The following DSEL variants were observed in gnomAD, a reference collection of about 807,000 sequenced individuals.
DSEL encodes dermatan sulfate epimerase like.
Under a neutral mutation model 96.6 loss-of-function variants are expected in DSEL, and 61 were observed. The observed-to-expected ratio is 0.63, with a 90% confidence interval of 0.51 to 0.78. The LOEUF (loss-of-function observed/expected upper bound fraction) is 0.78. DSEL is among the 30% of genes least tolerant of loss of function. The probability of loss-of-function intolerance (pLI) is 0.00; values close to 1 mark genes in which losing one functional copy is unlikely to be tolerated. For missense variants in DSEL, 1,320 were observed against 1,430.8 expected, an observed-to-expected ratio of 0.92 and a Z score of 1.25; for synonymous variants, 514 against 502.0, an observed-to-expected ratio of 1.02 and a Z score of -0.32.
In DSEL at chr18:67,507,846, A is replaced by T. The variant is rs1598977081; in HGVS notation, c.*3124T>A. 6.6e-6 allele frequency: 1 copy of T among 152,216 alleles called. No homozygotes were observed. Among genetic ancestry groups the T allele is most frequent in the South Asian group, 2.1e-4 (1 of 4,832 alleles). 9.4% of individuals were successfully genotyped at this position (152,216 alleles called of 1,614,324 possible). A position where few individuals can be genotyped will look rare whatever the true frequency, so the allele number is the denominator to read the frequency against. On this transcript the variant is annotated 3_prime_UTR_variant, in exon 2 of 2. Coordinates refer to ENST00000310045, the MANE Select transcript of DSEL (RefSeq NM_032160.3). ...AATTTTAAATTAAATTCTACAAACT[A>T]AATCTATGCAGATTTAGCTTCTTTC... is the stretch of plus-strand genomic sequence containing the variant.
rs2089445818 is a variant in DSEL at position 67,511,991 on chromosome 18, A to G, written c.2618T>C (p.Phe873Ser). 2 of 1,614,114 alleles carry G rather than the reference A, an allele frequency of 1.2e-6. No homozygotes were observed. Among genetic ancestry groups the G allele is most frequent in the African/African-American group, 2.7e-5 (2 of 75,038 alleles). Reference sequence around the variant, plus strand: ...GATGTAGAGAAAATCACTACTGTTGAAAAAAAGTTGTTTGAGAATTTCAGC... The same window carrying G: ...GATGTAGAGAAAATCACTACTGTTGGAAAAAAGTTGTTTGAGAATTTCAGC... ...SGAEILKQLF[F>S]NSSDFLYIRV... The change falls in exon 2 of 2, where the codon TTC (phenylalanine) becomes TCC (serine). Residue 873 changes from phenylalanine (F) to serine (S), a missense_variant. This residue lies in a region of DSEL where 986 missense variants were observed against 1,066.4 expected (regional missense o/e 0.92). Coordinates refer to ENST00000310045, the MANE Select transcript of DSEL (RefSeq NM_032160.3).
In DSEL at chr18:67,508,238, T is replaced by G. The variant is rs1239175232; in HGVS notation, c.*2732A>C. 2 of 152,122 alleles carry G rather than the reference T, an allele frequency of 1.3e-5. No homozygotes were observed. Among genetic ancestry groups the G allele is most frequent in the African/African-American group, 4.8e-5 (2 of 41,416 alleles). The allele number at this position is 152,122 out of a possible 1,614,324, so 9.4% of individuals were successfully genotyped here. On this transcript the variant is annotated 3_prime_UTR_variant, in exon 2 of 2. Coordinates refer to ENST00000310045, the MANE Select transcript of DSEL (RefSeq NM_032160.3). The stretch of plus-strand genomic sequence containing the variant: ...AATAAGAGTAGAAGCTATTTAAAAT[T>G]TTCCTAGATCACCCTAAGGGTGCAG...
At position 67,512,414 on chromosome 18, in the gene DSEL, C is replaced by G; in HGVS notation, c.2195G>C (p.Gly732Ala). Reference protein sequence around the residue: ...HNLKTRFNYLGFGGFASVADQ... With the variant: ...HNLKTRFNYLAFGGFASVADQ... ...AGCCACACTGGCAAAGCCACCGAAT[C>G]CCAGATAATTGAATCTTGTCTTCAG... Residue 732 changes from glycine to alanine, a missense_variant, in exon 2 of 2, where the codon GGA (glycine) becomes GCA (alanine). Coordinates refer to ENST00000310045, the MANE Select transcript of DSEL (RefSeq NM_032160.3). 1 of 1,614,148 alleles carries G rather than the reference C, an allele frequency of 6.2e-7. No individual in the cohort carries two copies. Among genetic ancestry groups the G allele is most frequent in the Non-Finnish European group, 8.5e-7 (1 of 1,180,032 alleles).
In DSEL at chr18:67,510,196, G is replaced by C. The variant is rs920442950; in HGVS notation, c.*774C>G. On this transcript the variant is annotated 3_prime_UTR_variant, in exon 2 of 2. Coordinates refer to ENST00000310045, the MANE Select transcript of DSEL (RefSeq NM_032160.3). The stretch of plus-strand genomic sequence containing the variant: ...GATAGGATGGGAGTGATGTGATGGC[G>C]AACAGCTGTAGCTCCAGGGAGGATA... 2 of 152,272 alleles carry C rather than the reference G, an allele frequency of 1.3e-5. No homozygotes were observed. The highest frequency in any genetic ancestry group is 4.8e-5 in the African/African-American group (2 of 41,546). 9.4% of individuals were successfully genotyped at this position (152,272 alleles called of 1,614,324 possible). A position where few individuals can be genotyped will look rare whatever the true frequency, so the allele number is the denominator to read the frequency against.
chr18:67,511,981 A>C lies in DSEL; in HGVS notation c.2628T>G (p.Ser876Arg), dbSNP rs1222224625. Residue 876 changes from serine to arginine, a missense_variant, in exon 2 of 2, where the codon AGT (serine) becomes AGG (arginine). By Grantham distance (110) the Ser-to-Arg change is moderately radical. Coordinates refer to ENST00000310045, the MANE Select transcript of DSEL (RefSeq NM_032160.3). ...EILKQLFFNS[S>R]DFLYIRVPTA... ...TAGGAACCCTGATGTAGAGAAAATC[A>C]CTACTGTTGAAAAAAAGTTGTTTGA... The C allele has an allele frequency of 3.1e-6, 5 of 1,614,124 alleles. No homozygotes were observed. The highest frequency in any genetic ancestry group is 4.2e-6 in the Non-Finnish European group (5 of 1,180,014).
At position 67,511,444 on chromosome 18, in the gene DSEL, T is replaced by C. The variant is rs1220560090; in HGVS notation, c.3165A>G (p.Pro1055=). The C allele has an allele frequency of 1.2e-6, 2 of 1,607,082 alleles. No individual in the cohort carries two copies. The highest frequency in any genetic ancestry group is 2.7e-5 in the African/African-American group (2 of 74,938). Residue 1055 remains proline (P), a synonymous_variant, in exon 2 of 2, where the codon CCA becomes CCG. Coordinates refer to ENST00000310045, the MANE Select transcript of DSEL (RefSeq NM_032160.3). ...TTTTAAACAATTTTGCTAAATGCTC[T>C]GGTACATTCTTCAAAGAATAAAGAC... The part of the protein sequence containing the change: ...KPSLYSLKNV[P]EHLAKLFKIE...
chr18:67,514,320 T>A lies in DSEL; in HGVS notation c.289A>T (p.Met97Leu), dbSNP rs1329724983. Residue 97 changes from methionine to leucine, a missense_variant, in exon 2 of 2, where the codon ATG (methionine) becomes TTG (leucine). Coordinates refer to ENST00000310045, the MANE Select transcript of DSEL (RefSeq NM_032160.3). The part of the protein sequence containing the change: ...FRAIRSAVTV[M>L]LSNPTYYLPP... The stretch of plus-strand genomic sequence containing the variant: ...AGGTAGTATGTTGGGTTGGACAGCA[T>A]AACTGTCACTGCACTTCTGATAGCT... 2.5e-6 allele frequency: 4 copies of A among 1,614,234 alleles called. No individual in the cohort carries two copies. In the East Asian group the frequency reaches 8.9e-5, roughly 36 times the overall value.
chr18:67,509,113 T>C lies in DSEL; in HGVS notation c.*1857A>G, dbSNP rs1261690039. On this transcript the variant is annotated 3_prime_UTR_variant, in exon 2 of 2. Transcript: ENST00000310045. ...AGTTTCTGCTTTCTTGCTTGCTACC[T>C]GCATGCAATTGTAATTCCTACCTTG... 1 of 152,246 alleles carries C rather than the reference T, an allele frequency of 6.6e-6. No homozygotes were observed. Among genetic ancestry groups the C allele is most frequent in the Non-Finnish European group, 1.5e-5 (1 of 68,058 alleles). The allele number at this position is 152,246 out of a possible 1,614,324, so 9.4% of individuals were successfully genotyped here.
In DSEL at chr18:67,514,116, C is replaced by T. The variant is rs2089461307; in HGVS notation, c.493G>A (p.Gly165Arg). 2 of 1,614,092 alleles carry T rather than the reference C, an allele frequency of 1.2e-6. No homozygotes were observed. Among genetic ancestry groups the T allele is most frequent in the Admixed American group, 1.7e-5 (1 of 60,008 alleles). Residue 165 changes from glycine (G) to arginine (R), a missense_variant, in exon 2 of 2, where the codon GGA becomes AGA. By Grantham distance (125) the Gly-to-Arg change is moderately radical. This residue lies in a region of DSEL where 323 missense variants were observed against 333.1 expected (regional missense o/e 0.97). Transcript: ENST00000310045. ...GAATGGCCAATTGGAACCTCATCTC[C>T]TGGTGCATTCTCTACTAGCCAGTCT... ...YKDWLVENAP[G>R]DEVPIGHSLT...
Position 67,511,616 on chromosome 18 carries a change from G to A in DSEL, c.2993C>T (p.Ala998Val). 6.2e-7 allele frequency: 1 copy of A among 1,614,162 alleles called. No individual in the cohort carries two copies. The highest frequency in any genetic ancestry group is 8.5e-7 in the Non-Finnish European group (1 of 1,180,030). ...ACTGCTTAAACTGAGCACAGGACGT[G>A]CACTTGGATAGTAAACCAGGTGTCT... ...LRRHLVYYPS[A>V]RPVLSLSSGS... Residue 998 changes from alanine (A) to valine (V), a missense_variant, in exon 2 of 2, where the codon GCA becomes GTA. This residue lies in a region of DSEL where 986 missense variants were observed against 1,066.4 expected (regional missense o/e 0.92). Coordinates refer to ENST00000310045, the MANE Select transcript of DSEL (RefSeq NM_032160.3).
rs1418757118 is a variant in DSEL, at chr18:67,516,129, G to T, written c.-885+232C>A. Among the ~76,000 whole-genome samples, 1 of 152,126 alleles carries T rather than the reference G, an allele frequency of 6.6e-6. No individual in the cohort carries two copies. The highest frequency in any genetic ancestry group is 1.5e-5 in the Non-Finnish European group (1 of 68,022). ...CAGAGGGAGCTCGGACCCCGGTGTC[G>T]AAAGACGCCTCTCCGTGCCCGTCCG... On this transcript the variant is annotated intron_variant, in intron 1 of 1. Coordinates refer to ENST00000310045, the MANE Select transcript of DSEL (RefSeq NM_032160.3). This position sits in a 1 kb window ranked among gnomAD's most constrained non-coding sequence, Gnocchi z 5.6.
chr18:67,512,559 C>T lies in DSEL; in HGVS notation c.2050G>A (p.Gly684Arg), dbSNP rs1194771365. 3 of 1,613,980 alleles carry T rather than the reference C, an allele frequency of 1.9e-6. No individual in the cohort carries two copies. Among genetic ancestry groups the T allele is most frequent in the Non-Finnish European group, 2.5e-6 (3 of 1,180,010 alleles). The change falls in exon 2 of 2, where the codon GGG becomes AGG. Residue 684 changes from glycine to arginine, a missense_variant. Gly to Arg is a moderately radical substitution (Grantham distance 125). Coordinates refer to ENST00000310045, the MANE Select transcript of DSEL (RefSeq NM_032160.3). ...CAGCTGGAGACATTGATATATGGCC[C>T]ATAAAAGACATATGCAATTCTTGTG... ...TITRIAYVFYGPYINVSSCRF... is the reference protein window; with the variant it reads ...TITRIAYVFYRPYINVSSCRF...
Position 67,514,222 on chromosome 18 carries a change from T to C in DSEL, c.387A>G (p.Ala129=). 1 of 1,614,172 alleles carries C rather than the reference T, an allele frequency of 6.2e-7. No individual in the cohort carries two copies. Residue 129 remains alanine (A), a synonymous_variant, in exon 2 of 2, where the codon GCA becomes GCG. Coordinates refer to ENST00000310045, the MANE Select transcript of DSEL (RefSeq NM_032160.3). ...EIYGNNLPPL[A]LYCLLCPEDK... ...CTTCTGGGCATAACAAACAGTACAA[T>C]GCTAAAGGAGGCAGATTGTTACCAT...
At position 67,506,815 on chromosome 18, in the gene DSEL, C is replaced by T. The variant is rs1432306293; in HGVS notation, c.*4155G>A. Reference sequence around the variant, plus strand: ...GTTACTTAGACTAAATATAAATAACCCATATAAATGGTAGCTCAAACATCT... The same window carrying T: ...GTTACTTAGACTAAATATAAATAACTCATATAAATGGTAGCTCAAACATCT... On this transcript the variant is annotated 3_prime_UTR_variant, in exon 2 of 2. Transcript: ENST00000310045. The T allele has an allele frequency of 6.6e-6, 1 of 152,004 alleles. No homozygotes were observed. The highest frequency in any genetic ancestry group is 1.5e-5 in the Non-Finnish European group (1 of 68,020). The allele number at this position is 152,004 out of a possible 1,614,324, so 9.4% of individuals were successfully genotyped here. A position where few individuals can be genotyped will look rare whatever the true frequency, so the allele number is the denominator to read the frequency against.
At position 67,514,047 on chromosome 18, in the gene DSEL, A is replaced by C. The variant is rs778752159; in HGVS notation, c.562T>G (p.Leu188Val). 1 of 1,614,122 alleles carries C rather than the reference A, an allele frequency of 6.2e-7. No individual in the cohort carries two copies. The highest frequency in any genetic ancestry group is 1.1e-5 in the South Asian group (1 of 91,078). Residue 188 changes from leucine to valine, a missense_variant, in exon 2 of 2, where the codon TTA becomes GTA. By Grantham distance (32) the Leu-to-Val change is conservative (BLOSUM62 1). Transcript: ENST00000310045. Reference sequence around the variant, plus strand: ...TATTTTTGTCTTCGATGATTATCTAATAAGTTATATAAAAAGTCAAAGGCA... The same window carrying C: ...TATTTTTGTCTTCGATGATTATCTACTAAGTTATATAAAAAGTCAAAGGCA... ...ATAFDFLYNL[L>V]DNHRRQKYLE... is the part of the protein sequence containing the mutation.
rs1315054537 is a variant in DSEL, at chr18:67,511,733, C to CT, written c.2875dup (p.Arg959LysfsTer4). The CT allele has an allele frequency of 1.9e-6, 3 of 1,613,820 alleles. No homozygotes were observed. Among genetic ancestry groups the CT allele is most frequent in the Admixed American group, 1.7e-5 (1 of 59,944 alleles). ...CAAAGACTCTCTCCTTTTAAATTTT[C>CT]TTTTTTTGTCCTTATTCATTGCAAA... is the stretch of plus-strand genomic sequence containing the variant. On this transcript the variant is annotated frameshift_variant, in exon 2 of 2. Transcript: ENST00000310045. LOFTEE classifies it high-confidence loss of function.
Position 67,508,529 on chromosome 18 carries a change from T to C in DSEL, c.*2441A>G, listed in dbSNP as rs548830237. 42 of 152,310 alleles carry C rather than the reference T, an allele frequency of 2.8e-4. No homozygotes were observed. Among genetic ancestry groups the C allele is most frequent in the African/African-American group, 9.1e-4 (38 of 41,554 alleles). The allele number at this position is 152,310 out of a possible 1,614,324, so 9.4% of individuals were successfully genotyped here. Reference sequence around the variant, plus strand: ...AGAAACAAGTAAATACAACTCTGCATTGCCATGTGGGGGTGAAAGCTGGGA... The same window carrying C: ...AGAAACAAGTAAATACAACTCTGCACTGCCATGTGGGGGTGAAAGCTGGGA... On this transcript the variant is annotated 3_prime_UTR_variant, in exon 2 of 2. Coordinates refer to ENST00000310045, the MANE Select transcript of DSEL (RefSeq NM_032160.3).
In DSEL at chr18:67,511,930, A is replaced by T; in HGVS notation, c.2679T>A (p.Thr893=). 2 of 1,614,168 alleles carry T rather than the reference A, an allele frequency of 1.2e-6. No individual in the cohort carries two copies. The highest frequency in any genetic ancestry group is 1.7e-6 in the Non-Finnish European group (2 of 1,180,040). The change falls in exon 2 of 2, where the codon ACT becomes ACA. Residue 893 remains threonine, a synonymous_variant. Coordinates refer to ENST00000310045, the MANE Select transcript of DSEL (RefSeq NM_032160.3). The part of the protein sequence containing the change: ...VPTAYIDIPE[T]ELEIDSFVDA... ...CTACAAATGAGTCGATTTCCAACTC[A>T]GTTTCAGGAATATCAATGTAGGCTG... is the stretch of plus-strand genomic sequence containing the variant.
chr18:67,509,581 CATA>C lies in DSEL; in HGVS notation c.*1386_*1388del, dbSNP rs771852543. 1.3e-5 allele frequency: 2 copies of C among 152,140 alleles called. No individual in the cohort carries two copies. The highest frequency in any genetic ancestry group is 2.9e-5 in the Non-Finnish European group (2 of 68,030). The allele number at this position is 152,140 out of a possible 1,614,324, so 9.4% of individuals were successfully genotyped here. On this transcript the variant is annotated 3_prime_UTR_variant, in exon 2 of 2. Transcript: ENST00000310045. ...TTATCACTCTGGAGGCACATTTTGACATAATAATAACTACTGAGAAAGAACCAC... is the reference window on the plus strand; with the variant it reads ...TTATCACTCTGGAGGCACATTTTGACATAATAACTACTGAGAAAGAACCAC...
Sources: gnomAD v4.1 joint callset for allele counts (sites outside exome capture counted in the v4.1 genomes callset) on GRCh38, gnomAD v4.1.1 for gene constraint, gnomAD v4.1.1 regional missense constraint, Gnocchi (gnomAD v3.1) non-coding constraint, MANE v1.5 for transcripts, NCBI Gene and HGNC (gene_info 2026-07-23, HGNC 2026-07-21) for gene names.